The following C3orf38 variants were observed in gnomAD, a reference collection of about 807,000 sequenced individuals.
The protein encoded by C3orf38 is uncharacterized protein C3orf38.
Under a neutral mutation model 28.3 loss-of-function variants are expected in C3orf38, and 18 were observed. The observed-to-expected ratio is 0.64, with a 90% CI of 0.44 to 0.94. The LOEUF (loss-of-function observed/expected upper bound fraction) is 0.94. Ranked by LOEUF, C3orf38 falls within the 40% of genes least tolerant of loss-of-function variation. C3orf38 has a pLI of 0.00. For synonymous variants in C3orf38, 145 were observed against 138.1 expected (o/e 1.05, Z -0.35); for missense variants, 364 against 396.4 (o/e 0.92, Z 0.69).
In C3orf38 at chr3:88,149,999, A is replaced by C. The variant is rs1707380491; in HGVS notation, c.-54A>C. 1.2e-6 allele frequency: 2 copies of C among 1,610,416 alleles called. No individual in the cohort carries two copies. Among genetic ancestry groups the C allele is most frequent in the African/African-American group, 1.3e-5 (1 of 74,706 alleles). ...GGTGTCTGTTGCCAGGCGCGGGCCC[A>C]GTGGGCCGTAGGGGCGACATTGTTG... is the stretch of plus-strand genomic sequence containing the variant. On this transcript the variant is annotated 5_prime_UTR_variant, in exon 1 of 3. Coordinates refer to ENST00000318887, the MANE Select transcript of C3orf38 (RefSeq NM_173824.4).
rs1341351312 is a variant in C3orf38 at position 88,156,752 on chromosome 3, A to G, written c.*117A>G. 116 of 1,016,838 alleles carry G rather than the reference A, an allele frequency of 1.1e-4. 1 individual carries two copies. In the East Asian group the frequency reaches 2.7e-3, roughly 23 times the overall value. The allele number at this position is 1,016,838 out of a possible 1,614,324, so 63.0% of individuals were successfully genotyped here. A position where few individuals can be genotyped will look rare whatever the true frequency, so the allele number is the denominator to read the frequency against. On this transcript the variant is annotated 3_prime_UTR_variant, in exon 3 of 3. Coordinates refer to ENST00000318887, the MANE Select transcript of C3orf38 (RefSeq NM_173824.4). The stretch of plus-strand genomic sequence containing the variant: ...CTATACAGAAACTCTTCCAAATACT[A>G]TATCAGTAATGTCTGAATGATTTCA...
At chr3:88,155,009 G>A (rs567220406) in intron 2 of C3orf38, among the ~76,000 whole-genome samples, 7 of 151,862 alleles carry the variant, frequency 4.6e-5, no homozygotes, top group Non-Finnish European at 7.4e-5. Context: ...ACAGGCATGC[G>A]CCACTACACT....
At chr3:88,155,254 A>G (rs1707463672) in intron 2 of C3orf38, among the ~76,000 whole-genome samples, 1 of 152,160 alleles carries the variant, frequency 6.6e-6, no homozygotes. Context: ...AAGAGTATCT[A>G]TTTAAAGACA....
chr3:88,152,793 T>C (rs1707433172), intron 1 of C3orf38, among the ~76,000 whole-genome samples: 1 of 151,246 alleles, frequency 6.6e-6, no homozygotes, highest in African/African-American at 2.4e-5. Flanking sequence ...CATTGATACC[T>C]AATATGGCCT....
intron 2 of C3orf38, among the ~76,000 whole-genome samples, chr3:88,153,946 G>C (rs575285956): frequency 1.3e-5 from 2 of 152,084 alleles, no homozygotes; most frequent in East Asian, 1.9e-4. Flanking sequence ...AAGCAACTAA[G>C]AGCAAAAATA....
Position 88,150,283 on chromosome 3 carries a change from C to G in C3orf38, c.133+98C>G, listed in dbSNP as rs546385922. 9.9e-6 allele frequency: 14 copies of G among 1,420,742 alleles called. 1 individual carries two copies. The South Asian group carries it at 1.4e-4, about 14-fold the overall frequency. The allele number at this position is 1,420,742 out of a possible 1,614,324, so 88.0% of individuals were successfully genotyped here. On this transcript the variant is annotated intron_variant, in intron 1 of 2. Transcript: ENST00000318887. ...TCCTCGGGAATGTTGGCCGCAGCCG[C>G]AGATCCACAGCTCTGGAACCACTAC...
chr3:88,150,246 G>T, intron 1 of C3orf38, 61 bp downstream of exon 1: 3 of 1,586,080 alleles, frequency 1.9e-6, no homozygotes, highest in Middle Eastern at 1.7e-4. Context: ...CGCCTACCCC[G>T]CTTAGGCAGA....
chr3:88,150,871 T>C (rs1013259443), intron 1 of C3orf38: 3 of 152,214 alleles, frequency 2.0e-5, no homozygotes, highest in African/African-American at 7.2e-5. Flanking sequence ...TATATGATTA[T>C]CTTTAAAAGA....
chr3:88,152,521 G>C (rs183547462), intron 1 of C3orf38, among the ~76,000 whole-genome samples: 1 of 152,124 alleles, frequency 6.6e-6, no homozygotes, highest in Admixed American at 6.5e-5. Context: ...CCAGCACTTT[G>C]GGAGGCCGAG....
chr3:88,156,109 C>G lies in C3orf38; in HGVS notation c.464C>G (p.Ser155Cys). 2 of 1,608,840 alleles carry G rather than the reference C, an allele frequency of 1.2e-6. No individual in the cohort carries two copies. Among genetic ancestry groups the G allele is most frequent in the Non-Finnish European group, 1.7e-6 (2 of 1,178,272 alleles). ...CATTGGTTCTTTGGACTTCTTAATT[C>G]TCAGAATCCTTTTCTAGGACCACCT... ...FCHWFFGLLN[S>C]QNPFLGPPQD... is the part of the protein sequence containing the mutation. Residue 155 changes from serine to cysteine, a missense_variant, in exon 3 of 3, where the codon TCT becomes TGT. Coordinates refer to ENST00000318887, the MANE Select transcript of C3orf38 (RefSeq NM_173824.4).
chr3:88,156,728 T>A lies in C3orf38; in HGVS notation c.*93T>A, dbSNP rs1240898485. The A allele has an allele frequency of 1.5e-6, 2 of 1,306,774 alleles. No homozygotes were observed. Among genetic ancestry groups the A allele is most frequent in the African/African-American group, 3.0e-5 (2 of 67,414 alleles). The allele number at this position is 1,306,774 out of a possible 1,614,324, so 80.9% of individuals were successfully genotyped here. A position where few individuals can be genotyped will look rare whatever the true frequency, so the allele number is the denominator to read the frequency against. The stretch of plus-strand genomic sequence containing the variant: ...TACTGTCAGCCTGAAAAAAATCTTC[T>A]ATACAGAAACTCTTCCAAATACTAT... On this transcript the variant is annotated 3_prime_UTR_variant, in exon 3 of 3. Coordinates refer to ENST00000318887, the MANE Select transcript of C3orf38 (RefSeq NM_173824.4).
intron 1 of C3orf38, 89 bp from the exon 2 acceptor site, chr3:88,153,141 A>C: frequency 8.1e-7 from 1 of 1,234,098 alleles, no homozygotes; most frequent in African/African-American, 1.5e-5. Context: ...ACGAGAGTTT[A>C]TAAACATATT....
Position 88,153,129 on chromosome 3 carries a change from T to C in C3orf38, c.134-101T>C, listed in dbSNP as rs1205885533. On this transcript the variant is annotated intron_variant, in intron 1 of 2. Coordinates refer to ENST00000318887, the MANE Select transcript of C3orf38 (RefSeq NM_173824.4). ...CTATCATGTAACAGCAATAATGCTG[T>C]GACGAGAGTTTATAAACATATTTGA... 4.5e-6 allele frequency: 5 copies of C among 1,101,012 alleles called. No individual in the cohort carries two copies. In the African/African-American group the frequency reaches 8.0e-5, roughly 18 times the overall value. The allele number at this position is 1,101,012 out of a possible 1,614,324, so 68.2% of individuals were successfully genotyped here. A position where few individuals can be genotyped will look rare whatever the true frequency, so the allele number is the denominator to read the frequency against.
At chr3:88,150,311 C>G in intron 1 of C3orf38, 126 bp downstream of exon 1, 1 of 1,124,824 alleles carries the variant, frequency 8.9e-7, no homozygotes, top group East Asian at 2.6e-5. Flanking sequence ...ACCACTACGC[C>G]GACTTGGGCT....
chr3:88,156,685 A>G lies in C3orf38; in HGVS notation c.*50A>G. On this transcript the variant is annotated 3_prime_UTR_variant, in exon 3 of 3. Transcript: ENST00000318887. ...AACAAAAGAGAACTGGGTTTACCTG[A>G]CCCTCTAAAGCGCTAAGTACTGTCA... 1 of 1,562,530 alleles carries G rather than the reference A, an allele frequency of 6.4e-7. No individual in the cohort carries two copies. Among genetic ancestry groups the G allele is most frequent in the Non-Finnish European group, 8.6e-7 (1 of 1,157,988 alleles).
chr3:88,153,167 C>T, intron 1 of C3orf38, 63 bp from the exon 2 acceptor site: 2 of 1,502,974 alleles, frequency 1.3e-6, no homozygotes, highest in Non-Finnish European at 1.8e-6. Flanking sequence ...GAGTTTCTGC[C>T]CACCTGGCAC....
Position 88,156,860 on chromosome 3 carries a change from C to T in C3orf38, c.*225C>T, listed in dbSNP as rs1338168245. 1 of 457,578 alleles carries T rather than the reference C, an allele frequency of 2.2e-6. No individual in the cohort carries two copies. Among genetic ancestry groups the T allele is most frequent in the Non-Finnish European group, 3.8e-6 (1 of 263,170 alleles). The allele number at this position is 457,578 out of a possible 1,614,324, so 28.3% of individuals were successfully genotyped here. A position where few individuals can be genotyped will look rare whatever the true frequency, so the allele number is the denominator to read the frequency against. ...TCATGTGAATACTTACCTATTTCTA[C>T]CCGAGTTGCAGCAAGTATTCTGAAA... On this transcript the variant is annotated 3_prime_UTR_variant, in exon 3 of 3. Transcript: ENST00000318887.
Position 88,156,870 on chromosome 3 carries a change from A to G in C3orf38, c.*235A>G, listed in dbSNP as rs1394732509. 1 of 443,654 alleles carries G rather than the reference A, an allele frequency of 2.3e-6. No homozygotes were observed. Among genetic ancestry groups the G allele is most frequent in the East Asian group, 3.6e-5 (1 of 27,526 alleles). The allele number at this position is 443,654 out of a possible 1,614,324, so 27.5% of individuals were successfully genotyped here. ...ACTTACCTATTTCTACCCGAGTTGCAGCAAGTATTCTGAAAGCTTAATGCA... is the reference window on the plus strand; with the variant it reads ...ACTTACCTATTTCTACCCGAGTTGCGGCAAGTATTCTGAAAGCTTAATGCA... On this transcript the variant is annotated 3_prime_UTR_variant, in exon 3 of 3. Coordinates refer to ENST00000318887, the MANE Select transcript of C3orf38 (RefSeq NM_173824.4).
intron 2 of C3orf38, among the ~76,000 whole-genome samples, chr3:88,154,034 T>G (rs1468141758): frequency 5.3e-5 from 8 of 152,196 alleles, no homozygotes; most frequent in African/African-American, 1.9e-4. Flanking sequence ...CATCATCAAA[T>G]GAGGACTATT....
Sources: gnomAD v4.1 joint callset for allele counts (sites outside exome capture counted in the v4.1 genomes callset) on GRCh38, gnomAD v4.1.1 for gene constraint, MANE v1.5 for transcripts, NCBI Gene and HGNC (gene_info 2026-07-23, HGNC 2026-07-21) for gene names.